The following WDPCP variants were observed in gnomAD, a reference collection of about 807,000 sequenced individuals.
WDPCP encodes WD repeat containing planar cell polarity effector, also known as WD repeat-containing and planar cell polarity effector protein fritz homolog.
WDPCP carries 71 observed loss-of-function variants against 93.1 expected under a neutral mutation model. That is an observed-to-expected ratio of 0.76 (90% CI 0.63 to 0.93). The LOEUF (loss-of-function observed/expected upper bound fraction) is 0.93. WDPCP is among the 40% of genes least tolerant of loss of function. The pLI is 0.00. For missense variants in WDPCP, 844 were observed against 887.4 expected, an observed-to-expected ratio of 0.95 and a Z score of 0.62; for synonymous variants, 315 against 315.0, an observed-to-expected ratio of 1.00 and a Z score of 0.00.
intron 6 of WDPCP, among the ~76,000 whole-genome samples, chr2:63,450,946 G>C (rs1398203351): frequency 6.6e-6 from 1 of 151,908 alleles, no homozygotes; most frequent in African/African-American, 2.4e-5. Flanking sequence ...GAAAAAGCAA[G>C]GAAATATAAA....
intron 14 of WDPCP, among the ~76,000 whole-genome samples, chr2:63,242,414 T>G (rs547000784): frequency 2.4e-4 from 36 of 152,204 alleles, no homozygotes; most frequent in Middle Eastern, 3.2e-3. Flanking sequence ...GAGGATTATA[T>G]AAAAGAAGTT....
intron 14 of WDPCP, among the ~76,000 whole-genome samples, chr2:63,235,507 A>G (rs948330833): frequency 6.6e-6 from 1 of 152,150 alleles, no homozygotes; most frequent in Non-Finnish European, 1.5e-5. Context: ...ATGATGCCAG[A>G]ACCACCTTGA....
intron 2 of WDPCP, among the ~76,000 whole-genome samples, chr2:63,737,662 G>C (rs999920962): frequency 3.9e-5 from 6 of 152,208 alleles, no homozygotes; most frequent in Middle Eastern, 3.4e-3. Flanking sequence ...CATCCCACTA[G>C]ATACCAGGCA....
chr2:63,153,213 A>G (rs1671998740), intron 16 of WDPCP: 1 of 553,916 alleles, frequency 1.8e-6, no homozygotes, highest in Non-Finnish European at 3.2e-6. Context: ...TTGAGAGCTT[A>G]TTAGAAATGC....
intron 1 of WDPCP, among the ~76,000 whole-genome samples, chr2:63,579,787 AGAC>A (rs1708376124): frequency 6.6e-6 from 1 of 151,210 alleles, no homozygotes; most frequent in Non-Finnish European, 1.5e-5. Flanking sequence ...ACAGACAGAC[AGAC>A]AAGATAGATA....
intron 9 of WDPCP, among the ~76,000 whole-genome samples, chr2:63,410,069 A>G (rs1340848642): frequency 6.6e-6 from 1 of 152,202 alleles, no homozygotes; most frequent in Non-Finnish European, 1.5e-5. Flanking sequence ...GCTTAGGCAC[A>G]TTGTCATCAG....
At chr2:63,273,918 T>G (rs370725785) in intron 13 of WDPCP, among the ~76,000 whole-genome samples, 8 of 152,132 alleles carry the variant, frequency 5.3e-5, no homozygotes, top group Non-Finnish European at 1.2e-4. Context: ...TCAACACTTT[T>G]CATTCTCAGC....
intron 3 of WDPCP, among the ~76,000 whole-genome samples, chr2:63,626,508 T>TA: frequency 6.7e-6 from 1 of 150,314 alleles, no homozygotes; most frequent in East Asian, 2.0e-4. Context: ...ATAACCCCAT[T>TA]AAAAAAGGAT....
Position 63,221,201 on chromosome 2 carries a change from C to T in WDPCP, c.1915+38106G>A, listed in dbSNP as rs543741006. ...AGAGAACCAGGAGTGTTGTCTATAT[C>T]ATATGTCGCTGTAGAACTATTTTTC... On this transcript the variant is annotated intron_variant, in intron 14 of 17. Transcript: ENST00000272321. Among the ~76,000 whole-genome samples the T allele has an allele frequency of 7.2e-5, 11 of 152,144 alleles. No homozygotes were observed. The South Asian group carries it at 1.0e-3, about 14-fold the overall frequency.
At chr2:63,147,848 TATCTC>T (rs1263961104) in intron 17 of WDPCP, among the ~76,000 whole-genome samples, 5 of 151,748 alleles carry the variant, frequency 3.3e-5, no homozygotes, top group African/African-American at 4.8e-5. Context: ...ACGTGCCTGT[TATCTC>T]AGCTACTTGG....
chr2:63,266,704 G>A (rs1267294018), intron 13 of WDPCP, among the ~76,000 whole-genome samples: 1 of 152,098 alleles, frequency 6.6e-6, no homozygotes, highest in East Asian at 1.9e-4. Flanking sequence ...TACTCAGGAG[G>A]CTGAGGCAGG....
At chr2:63,497,111 CAAAAA>C (rs10667775) in intron 1 of WDPCP, among the ~76,000 whole-genome samples, 1,846 of 72,464 alleles carry the variant, frequency 0.025, 45 homozygotes, top group African/African-American at 0.1. Context: ...GACTCCATCT[CAAAAA>C]AAAAAAAAAA....
chr2:63,758,180 C>A (rs1342474140), intron 2 of WDPCP, among the ~76,000 whole-genome samples: 3 of 151,462 alleles, frequency 2.0e-5, no homozygotes, highest in African/African-American at 7.3e-5. Flanking sequence ...TAAAGTCAAC[C>A]ATCTCAACTC....
chr2:63,839,266 T>C, the WDPCP span, among the ~76,000 whole-genome samples: 1 of 152,230 alleles, frequency 6.6e-6, no homozygotes, highest in Non-Finnish European at 1.5e-5. Flanking sequence ...AAACCTTGTA[T>C]AATTAAAAAC....
intron 2 of WDPCP, among the ~76,000 whole-genome samples, chr2:63,789,853 T>C (rs1292904332): frequency 3.9e-5 from 6 of 152,198 alleles, no homozygotes; most frequent in Non-Finnish European, 8.8e-5. Flanking sequence ...CATATGTGAA[T>C]AGGATTACAT....
intron 8 of WDPCP, among the ~76,000 whole-genome samples, chr2:63,435,966 T>C (rs1484133206): frequency 6.6e-6 from 1 of 152,044 alleles, no homozygotes; most frequent in African/African-American, 2.4e-5. Flanking sequence ...TTCCTCATCT[T>C]TTCATAAGAA....
At position 63,714,298 on chromosome 2, in the gene WDPCP, C is replaced by A. The variant is rs1558892167; in HGVS notation, n.309-63460G>T. On this transcript the variant is annotated intron_variant and non_coding_transcript_variant, in intron 2 of 4. Coordinates refer to the WDPCP transcript ENST00000467687. The stretch of plus-strand genomic sequence containing the variant: ...GGTCAGGCTGGTCTCGAACTCCTGA[C>A]CTCAGGTGATCCACCCGCCTTGTCC... 4.0e-5 allele frequency among the ~76,000 whole-genome samples: 6 copies of A among 151,862 alleles called. No individual in the cohort carries two copies. In the South Asian group the frequency reaches 1.0e-3, roughly 26 times the overall value.
At position 63,753,099 on chromosome 2, in the gene WDPCP, T is replaced by C. The variant is rs149042116; in HGVS notation, n.308+60523A>G. ...TCCTATCATGCATAAAATATATCAG[T>C]ATTGTGTTAGTCCGTTCTTGCACTG... is the stretch of plus-strand genomic sequence containing the variant. On this transcript the variant is annotated intron_variant and non_coding_transcript_variant, in intron 2 of 4. Transcript: ENST00000467687. Among the ~76,000 whole-genome samples the C allele has an allele frequency of 3.4e-4, 52 of 152,254 alleles. 1 individual carries two copies. The East Asian group carries it at 8.7e-3, about 25-fold the overall frequency.
At chr2:63,752,171 C>A in intron 2 of WDPCP, 2 of 643,846 alleles carry the variant, frequency 3.1e-6, no homozygotes, top group South Asian at 3.2e-5. Flanking sequence ...GAGTCATGGT[C>A]ATCAAAGCTT....
Sources: allele counts gnomAD v4.1 joint callset (sites outside exome capture counted in the v4.1 genomes callset), GRCh38; gene constraint gnomAD v4.1.1; transcripts MANE v1.5; gene names NCBI Gene and HGNC (gene_info 2026-07-23, HGNC 2026-07-21).